ERBB4: variants seen among roughly 807,000 people sequenced by gnomAD.
The protein encoded by ERBB4 is erb-b2 receptor tyrosine kinase 4, also known as receptor tyrosine-protein kinase erbB-4.
ERBB4 carries 42 observed loss-of-function variants against 158.0 expected under a neutral mutation model. That is an observed-to-expected ratio of 0.27 (90% CI 0.21 to 0.34). The LOEUF is 0.34. Ranked by LOEUF, ERBB4 falls within the 10% of genes least tolerant of loss-of-function variation. The probability of loss-of-function intolerance (pLI) is 1.00; values close to 1 mark genes in which losing one functional copy is unlikely to be tolerated. For missense variants in ERBB4, 1,333 were observed against 1,624.1 expected (o/e 0.82, Z 3.08); for synonymous variants, 583 against 558.7 (o/e 1.04, Z -0.61).
At chr2:212,122,066 T>C (rs568368188) in intron 2 of ERBB4, among the ~76,000 whole-genome samples, 15 of 150,590 alleles carry the variant, frequency 1.0e-4, no homozygotes, top group Non-Finnish European at 1.8e-4. Flanking sequence ...TATATGTATA[T>C]AAACTCATAC....
At chr2:212,102,576 A>G (rs1002533970) in intron 2 of ERBB4, among the ~76,000 whole-genome samples, 6 of 152,158 alleles carry the variant, frequency 3.9e-5, no homozygotes, top group Non-Finnish European at 8.8e-5. Flanking sequence ...GATTTTTTAA[A>G]CAATAGACAT....
chr2:211,797,855 A>G (rs557349591), intron 3 of ERBB4, among the ~76,000 whole-genome samples: 1 of 152,168 alleles, frequency 6.6e-6, no homozygotes, highest in African/African-American at 2.4e-5. Context: ...AAATCTGGAG[A>G]AAATCAGGAA....
chr2:212,204,604 C>T (rs2082681849), intron 1 of ERBB4, among the ~76,000 whole-genome samples: 1 of 150,380 alleles, frequency 6.6e-6, no homozygotes, highest in African/African-American at 2.5e-5. Flanking sequence ...TGGGGAGGTA[C>T]AAGAATTGCG....
chr2:211,529,934 C>G (rs879353816), intron 20 of ERBB4, among the ~76,000 whole-genome samples: 3 of 151,990 alleles, frequency 2.0e-5, no homozygotes, highest in African/African-American at 7.2e-5. Context: ...AGATTTGAAA[C>G]GTGACAAAGA....
chr2:211,911,992 C>T (rs2079552113), intron 3 of ERBB4, among the ~76,000 whole-genome samples: 3 of 151,996 alleles, frequency 2.0e-5, no homozygotes, highest in Admixed American at 6.6e-5. Context: ...GGAAACACAC[C>T]AGCCACAGAT....
chr2:212,099,791 C>T (rs1398450653), intron 2 of ERBB4, among the ~76,000 whole-genome samples: 3 of 146,436 alleles, frequency 2.0e-5, no homozygotes, highest in Admixed American at 6.8e-5. Context: ...GTAAAGTTCT[C>T]TCTCTCTCCC....
chr2:211,674,411 G>A (rs1319070102), intron 13 of ERBB4, among the ~76,000 whole-genome samples: 4 of 151,960 alleles, frequency 2.6e-5, no homozygotes, highest in African/African-American at 4.8e-5. Flanking sequence ...CTTTTCTGCC[G>A]GTTAGTTTAA....
intron 1 of ERBB4, among the ~76,000 whole-genome samples, chr2:212,218,415 CTGTT>C (rs1228105294): frequency 8.6e-5 from 13 of 151,268 alleles, no homozygotes; most frequent in East Asian, 1.9e-4. Flanking sequence ...TTTTGTCTGT[CTGTT>C]TGTTTGTGTG....
At chr2:211,527,483 A>C (rs535208495) in intron 20 of ERBB4, among the ~76,000 whole-genome samples, 1 of 152,128 alleles carries the variant, frequency 6.6e-6, no homozygotes, top group Non-Finnish European at 1.5e-5. Flanking sequence ...AAGCATATTA[A>C]TGAACAATAA....
chr2:211,708,841 G>A (rs1018878222), intron 9 of ERBB4, among the ~76,000 whole-genome samples: 3 of 151,966 alleles, frequency 2.0e-5, no homozygotes, highest in South Asian at 2.1e-4. Context: ...AGTGTTTGAC[G>A]TGAGAGAAAG....
chr2:211,467,733 G>A (rs2064729309), intron 20 of ERBB4, among the ~76,000 whole-genome samples: 1 of 152,106 alleles, frequency 6.6e-6, no homozygotes, highest in African/African-American at 2.4e-5. Context: ...AGTAAGGCTA[G>A]GCCATATGGG....
chr2:211,797,851 G>A (rs773458996), intron 3 of ERBB4, among the ~76,000 whole-genome samples: 3 of 151,842 alleles, frequency 2.0e-5, no homozygotes, highest in Non-Finnish European at 4.4e-5. Context: ...GTTTAAATCT[G>A]GAGAAAATCA....
chr2:211,386,843 C>T lies in ERBB4; in HGVS notation c.3481+10G>A, dbSNP rs755335539. ...CGAATGGCGATCGTTTCTGAATAAT[C>T]AGTTCATACCTTGTTTGGGTTTGTC... On this transcript the variant is annotated intron_variant, in intron 27 of 27. Coordinates refer to ENST00000342788, the MANE Select transcript of ERBB4 (RefSeq NM_005235.3). The T allele has an allele frequency of 5.0e-6, 8 of 1,613,540 alleles. No homozygotes were observed. The East Asian group carries it at 1.8e-4, about 36-fold the overall frequency.
At chr2:212,402,075 A>C (rs905602127) in intron 1 of ERBB4, among the ~76,000 whole-genome samples, 3 of 152,136 alleles carry the variant, frequency 2.0e-5, no homozygotes, top group African/African-American at 7.2e-5. Flanking sequence ...AGTTCACAGC[A>C]ACTTTATTTG....
At chr2:211,799,027 G>A (rs560868229) in intron 3 of ERBB4, among the ~76,000 whole-genome samples, 11 of 152,114 alleles carry the variant, frequency 7.2e-5, no homozygotes, top group Non-Finnish European at 1.0e-4. Flanking sequence ...TGCATAGTTC[G>A]TAGGTCACAA....
At chr2:211,683,449 A>G (rs969281405) in intron 12 of ERBB4, among the ~76,000 whole-genome samples, 1 of 152,122 alleles carries the variant, frequency 6.6e-6, no homozygotes, top group African/African-American at 2.4e-5. Flanking sequence ...GTAATTTTTC[A>G]TAATTGGCAT....
chr2:212,352,934 A>AT (rs1275747712), intron 1 of ERBB4, among the ~76,000 whole-genome samples: 1 of 151,922 alleles, frequency 6.6e-6, no homozygotes, highest in African/African-American at 2.4e-5. Flanking sequence ...CAGTAGCACA[A>AT]TTTTTTTTCA....
At chr2:212,087,544 C>T (rs1240745635) in intron 2 of ERBB4, among the ~76,000 whole-genome samples, 1 of 152,086 alleles carries the variant, frequency 6.6e-6, no homozygotes, top group Admixed American at 6.6e-5. Context: ...AATCCTCACC[C>T]TGCTGGGTTT....
chr2:211,641,370 C>A (rs1348214092), intron 16 of ERBB4, among the ~76,000 whole-genome samples: 1 of 151,782 alleles, frequency 6.6e-6, no homozygotes, highest in African/African-American at 2.4e-5. Flanking sequence ...TTGTTCTTAT[C>A]TTTTTACTGA....
Sources: gnomAD v4.1 joint callset for allele counts (sites outside exome capture counted in the v4.1 genomes callset) on GRCh38, gnomAD v4.1.1 for gene constraint, MANE v1.5 for transcripts, NCBI Gene and HGNC (gene_info 2026-07-23, HGNC 2026-07-21) for gene names.